KLF9: variants seen among roughly 807,000 people sequenced by gnomAD.
KLF9 encodes Krueppel-like factor 9.
In KLF9, 2 loss-of-function variants were observed where a neutral mutation model predicts 17.3. The ratio of observed to expected loss-of-function variants is 0.12; its 90% CI spans 0.05 to 0.36. The LOEUF is 0.36. KLF9 is among the 10% of genes least tolerant of loss of function. KLF9 has a pLI of 1.00. For missense variants in KLF9, 226 were observed against 333.2 expected (o/e 0.68, Z 2.51); for synonymous variants, 138 against 139.2 (o/e 0.99, Z 0.06).
intron 1 of KLF9, among the ~76,000 whole-genome samples, chr9:70,410,934 T>C (rs1419755950): frequency 6.6e-6 from 1 of 152,168 alleles, no homozygotes; most frequent in African/African-American, 2.4e-5. Context: ...CATAGGCACC[T>C]GCAATCACCA....
rs35616865 is a variant in KLF9 at position 70,409,200 on chromosome 9, G to GTATATATATATATACATATATGTA, written c.505+3658_505+3659insTACATATATGTATATATATATATA. On this transcript the variant is annotated intron_variant, in intron 1 of 1. Transcript: ENST00000377126. ...TATATGTATACATATACATGTATAT[G>GTATATATATATATACATATATGTA]TATATATATATACATATATGTATAT... Among the ~76,000 whole-genome samples, 233 of 118,624 alleles carry GTATATATATATATACATATATGTA rather than the reference G, an allele frequency of 2.0e-3. 3 individuals are homozygous for GTATATATATATATACATATATGTA. The highest frequency in any genetic ancestry group is 7.2e-3 in the African/African-American group (228 of 31,850). 77.8% of individuals were successfully genotyped at this position (118,624 alleles called of 152,430 possible). A position where few individuals can be genotyped will look rare whatever the true frequency, so the allele number is the denominator to read the frequency against.
chr9:70,388,509 C>T (rs537423388), intron 1 of KLF9, among the ~76,000 whole-genome samples: 21 of 152,324 alleles, frequency 1.4e-4, no homozygotes, highest in Admixed American at 8.5e-4. Context: ...AAGTTGCTAA[C>T]ATCTCTAAGC....
chr9:70,412,155 G>A lies in KLF9; in HGVS notation c.505+704C>T, dbSNP rs142238808. 3.8e-3 allele frequency among the ~76,000 whole-genome samples: 524 copies of A among 138,766 alleles called. 4 individuals carry two copies. The highest frequency in any genetic ancestry group is 0.013 in the African/African-American group (498 of 37,820). The allele number at this position is 138,766 out of a possible 152,430, so 91.0% of individuals were successfully genotyped here. A position where few individuals can be genotyped will look rare whatever the true frequency, so the allele number is the denominator to read the frequency against. On this transcript the variant is annotated intron_variant, in intron 1 of 1. Transcript: ENST00000377126. ...ACACCTCCCTGCAAACCGCGATTCA[G>A]GGGTGGAGGGTGCGACCTAAGTCAC...
At chr9:70,411,027 A>T (rs1382369099) in intron 1 of KLF9, among the ~76,000 whole-genome samples, 3 of 152,218 alleles carry the variant, frequency 2.0e-5, no homozygotes, top group African/African-American at 7.2e-5. Context: ...ACTGGGAAAA[A>T]GGTTCTCCTG....
intron 1 of KLF9, among the ~76,000 whole-genome samples, chr9:70,412,436 C>T (rs1423811425): frequency 6.6e-6 from 1 of 152,132 alleles, no homozygotes; most frequent in Non-Finnish European, 1.5e-5. Context: ...GCGCCGCGTC[C>T]CCCCTCGGTT....
chr9:70,409,756 A>G (rs1321039639), intron 1 of KLF9, among the ~76,000 whole-genome samples: 1 of 152,248 alleles, frequency 6.6e-6, no homozygotes. Flanking sequence ...TGTTTTCTTT[A>G]GATTAACAAT....
intron 1 of KLF9, among the ~76,000 whole-genome samples, chr9:70,405,755 TA>T (rs561044841): frequency 5.3e-5 from 8 of 149,676 alleles, no homozygotes; most frequent in African/African-American, 1.2e-4. Context: ...CCCATGTATT[TA>T]AAAAAAAAAT....
intron 1 of KLF9, among the ~76,000 whole-genome samples, chr9:70,391,320 T>G (rs981716577): frequency 2.6e-5 from 4 of 152,196 alleles, no homozygotes; most frequent in Non-Finnish European, 4.4e-5. Context: ...ATATTTCAAG[T>G]GTAATCAGGG....
At chr9:70,401,085 AC>A (rs1252155695) in intron 1 of KLF9, among the ~76,000 whole-genome samples, 1 of 151,466 alleles carries the variant, frequency 6.6e-6, no homozygotes, top group Admixed American at 6.6e-5. Context: ...TGTAATCCCA[AC>A]AGTTTGGGAG....
At chr9:70,406,806 G>T (rs975657604) in intron 1 of KLF9, among the ~76,000 whole-genome samples, 2 of 151,920 alleles carry the variant, frequency 1.3e-5, no homozygotes, top group South Asian at 2.1e-4. Flanking sequence ...GGTCGGATGT[G>T]GGGGAGGATT....
chr9:70,403,846 T>C (rs75157267), intron 1 of KLF9, among the ~76,000 whole-genome samples: 4,456 of 152,212 alleles, frequency 0.029, 100 homozygotes, highest in Middle Eastern at 0.058. Context: ...CTGCTGACAC[T>C]CCTAACCGAG....
intron 1 of KLF9, among the ~76,000 whole-genome samples, chr9:70,394,865 C>T (rs1461356121): frequency 6.6e-6 from 1 of 152,146 alleles, no homozygotes. Context: ...AAATGCTTGC[C>T]ATGCCTTTGG....
At chr9:70,397,957 C>G (rs1252906496) in intron 1 of KLF9, among the ~76,000 whole-genome samples, 2 of 152,182 alleles carry the variant, frequency 1.3e-5, no homozygotes, top group Non-Finnish European at 2.9e-5. Context: ...GCAGGCCATT[C>G]CTGGGTACAG....
intron 1 of KLF9, among the ~76,000 whole-genome samples, chr9:70,403,989 G>A (rs1384042223): frequency 6.6e-6 from 1 of 152,094 alleles, no homozygotes; most frequent in African/African-American, 2.4e-5. Context: ...AACTCAAGGG[G>A]TCCAGATCAG....
chr9:70,413,495 G>C lies in KLF9; in HGVS notation c.-132C>G. On this transcript the variant is annotated 5_prime_UTR_variant, in exon 1 of 2. Coordinates refer to ENST00000377126, the MANE Select transcript of KLF9 (RefSeq NM_001206.4). The surrounding 1 kb of genome is among the most constrained non-coding windows in gnomAD (Gnocchi z 5.6). Reference sequence around the variant, plus strand: ...ACGGCGCGGCGGCCAAGGGGGCGGGGGCGCGGGGCGCTTCCGACTCGCAGG... The same window carrying C: ...ACGGCGCGGCGGCCAAGGGGGCGGGCGCGCGGGGCGCTTCCGACTCGCAGG... 1 of 972,102 alleles carries C rather than the reference G, an allele frequency of 1.0e-6. No homozygotes were observed. The highest frequency in any genetic ancestry group is 3.8e-5 in the East Asian group (1 of 26,038). 60.2% of individuals were successfully genotyped at this position (972,102 alleles called of 1,614,324 possible). A position where few individuals can be genotyped will look rare whatever the true frequency, so the allele number is the denominator to read the frequency against.
rs2037340327 is a variant in KLF9 at position 70,413,175 on chromosome 9, G to T, written c.189C>A (p.Ile63=). The T allele has an allele frequency of 6.2e-7, 1 of 1,614,174 alleles. No individual in the cohort carries two copies. The highest frequency in any genetic ancestry group is 8.5e-7 in the Non-Finnish European group (1 of 1,180,042). The change falls in exon 1 of 2, where the codon ATC becomes ATA. Residue 63 remains isoleucine (I), a synonymous_variant. Coordinates refer to ENST00000377126, the MANE Select transcript of KLF9 (RefSeq NM_001206.4). This position sits in a 1 kb window ranked among gnomAD's most constrained non-coding sequence, Gnocchi z 5.6. Reference sequence around the variant, plus strand: ...TGTTCAGGTCCAACAAGCTCTTGGCGATGGTGACCAGTGTGCAGTAATCCT... The same window carrying T: ...TGTTCAGGTCCAACAAGCTCTTGGCTATGGTGACCAGTGTGCAGTAATCCT... The part of the protein sequence containing the change: ...TWKDYCTLVT[I]AKSLLDLNKY...
intron 1 of KLF9, among the ~76,000 whole-genome samples, chr9:70,410,558 G>A (rs1026582879): frequency 2.6e-5 from 4 of 152,162 alleles, no homozygotes; most frequent in African/African-American, 9.7e-5. Flanking sequence ...GCAGCTGTAT[G>A]TGTCTCTATA....
intron 1 of KLF9, among the ~76,000 whole-genome samples, chr9:70,395,213 A>C (rs1297525423): frequency 6.6e-6 from 1 of 152,246 alleles, no homozygotes; most frequent in Non-Finnish European, 1.5e-5. Flanking sequence ...GGGGTATTTC[A>C]AATCAGTGAA....
Position 70,413,085 on chromosome 9 carries a change from C to T in KLF9, c.279G>A (p.Met93Ile), listed in dbSNP as rs138055699. The change falls in exon 1 of 2, where the codon ATG becomes ATA. Residue 93 changes from methionine to isoleucine, a missense_variant. Transcript: ENST00000377126. The surrounding 1 kb of genome is among the most constrained non-coding windows in gnomAD (Gnocchi z 5.6). The stretch of plus-strand genomic sequence containing the variant: ...CGGTGGTCACGTCGCTGTCGGATCC[C>T]ATATCCTCATCTGGACTTTCCAGAC... ...SDSLESPDED[M>I]GSDSDVTTES... 786 of 1,614,172 alleles carry T rather than the reference C, an allele frequency of 4.9e-4. 8 individuals are homozygous for T. In the Middle Eastern group the frequency reaches 0.015, roughly 31 times the overall value.
Sources: gnomAD v4.1 joint callset for allele counts (sites outside exome capture counted in the v4.1 genomes callset) on GRCh38, gnomAD v4.1.1 for gene constraint, Gnocchi (gnomAD v3.1) non-coding constraint, MANE v1.5 for transcripts, NCBI Gene and HGNC (gene_info 2026-07-23, HGNC 2026-07-21) for gene names.